The following TESMIN variants were observed in gnomAD, a reference collection of about 807,000 sequenced individuals.
The protein encoded by TESMIN is testis expressed metallothionein like protein.
A neutral mutation model predicts 47.4 loss-of-function variants in TESMIN; 34 were observed. That is an observed-to-expected ratio of 0.72 (90% CI 0.55 to 0.96). TESMIN has a LOEUF of 0.96. Ranked by LOEUF, TESMIN falls within the 40% of genes least tolerant of loss-of-function variation. The pLI is 0.00. For synonymous variants in TESMIN, 278 were observed against 258.9 expected (o/e 1.07, Z -0.71); for missense variants, 610 against 637.2 (o/e 0.96, Z 0.46).
chr11:68,704,882 C>T (rs1945984490), downstream of TESMIN, among the ~76,000 whole-genome samples: 1 of 152,166 alleles, frequency 6.6e-6, no homozygotes, highest in African/African-American at 2.4e-5. Context: ...CAAACTTTTT[C>T]CTGATAGTCA....
At chr11:68,728,823 T>C (rs1028887396) in intron 6 of TESMIN, among the ~76,000 whole-genome samples, 1 of 152,236 alleles carries the variant, frequency 6.6e-6, no homozygotes, top group African/African-American at 2.4e-5. Flanking sequence ...AAAGCCTGAA[T>C]GACAGCACAT....
intron 6 of TESMIN, chr11:68,738,471 G>A: frequency 5.2e-6 from 7 of 1,337,570 alleles, no homozygotes; most frequent in Non-Finnish European, 6.7e-6. Context: ...GGAGGACAGG[G>A]ACAGATGCAG....
intron 6 of TESMIN, among the ~76,000 whole-genome samples, chr11:68,726,379 G>A (rs567842496): frequency 3.9e-5 from 6 of 152,118 alleles, no homozygotes; most frequent in Non-Finnish European, 7.4e-5. Flanking sequence ...CAAGCTCCAA[G>A]TGGAAGCAAA....
intron 9 of TESMIN, among the ~76,000 whole-genome samples, chr11:68,709,546 G>A (rs1057083127): frequency 6.6e-6 from 1 of 152,218 alleles, no homozygotes; most frequent in African/African-American, 2.4e-5. Context: ...GGCAACTGTG[G>A]CTTAGCTAGA....
At chr11:68,737,547 C>G in intron 6 of TESMIN, 1 of 985,650 alleles carries the variant, frequency 1.0e-6, no homozygotes, top group Non-Finnish European at 1.2e-6. Context: ...CTGGAGGCTG[C>G]GGGCTGTATC....
intron 6 of TESMIN, among the ~76,000 whole-genome samples, chr11:68,718,033 C>T (rs1290949387): frequency 1.3e-5 from 2 of 152,144 alleles, no homozygotes; most frequent in East Asian, 3.9e-4. Context: ...AGCTAAGTGA[C>T]CACCCTGTGG....
Position 68,710,917 on chromosome 11 carries a change from G to A in TESMIN, c.1291C>T (p.Pro431Ser). Reference protein sequence around the residue: ...TGGLEGSHYLPPTKFSGLPRF... With the variant: ...TGGLEGSHYLSPTKFSGLPRF... ...GGAAGTCCTGAAAATTTCGTTGGTG[G>A]CAGGTAATGGCTGCCTTCCAAACCT... The change falls in exon 9 of 10, where the codon CCA (proline) becomes TCA (serine). Residue 431 changes from proline (P) to serine (S), a missense_variant. By Grantham distance (74) the Pro-to-Ser change is moderately conservative. Transcript: ENST00000255087. The A allele has an allele frequency of 6.2e-7, 1 of 1,613,832 alleles. No homozygotes were observed. The highest frequency in any genetic ancestry group is 8.5e-7 in the Non-Finnish European group (1 of 1,179,930).
chr11:68,745,088 G>A lies in TESMIN; in HGVS notation c.654C>T (p.Gly218=), dbSNP rs748753442. ...AATTGTCTATACATAGCATTTGTGT[G>A]CCCCCTTTCAATTGGCATATCACCT... ...NPMVICQLKG[G]TQMLCIDNSR... Residue 218 remains glycine (G), a synonymous_variant, in exon 4 of 10, where the codon GGC becomes GGT. Coordinates refer to ENST00000255087, the MANE Select transcript of TESMIN (RefSeq NM_004923.3). 44 of 1,577,976 alleles carry A rather than the reference G, an allele frequency of 2.8e-5. No homozygotes were observed. The highest frequency in any genetic ancestry group is 3.7e-5 in the Non-Finnish European group (43 of 1,170,482).
chr11:68,720,123 G>GA lies in TESMIN; in HGVS notation c.918-4185dup, dbSNP rs368974526. 2.4e-3 allele frequency among the ~76,000 whole-genome samples: 366 copies of GA among 152,304 alleles called. 4 individuals are homozygous for GA. The highest frequency in any genetic ancestry group is 8.4e-3 in the African/African-American group (349 of 41,568). On this transcript the variant is annotated intron_variant, in intron 6 of 9. Transcript: ENST00000255087. ...GCAGACTGTTTTCAAAGCATTGGCA[G>GA]AAAAAACCTGACAACCTAGAATTGC... is the stretch of plus-strand genomic sequence containing the variant.
At chr11:68,742,184 A>G (rs1946465426) in intron 5 of TESMIN, 134 bp downstream of exon 5, 3 of 615,824 alleles carry the variant, frequency 4.9e-6, no homozygotes, top group Non-Finnish European at 5.6e-6. Context: ...GGGACTGAAC[A>G]CTTGGTAAGT....
intron 6 of TESMIN, chr11:68,737,652 C>T (rs1946402717): frequency 2.0e-6 from 2 of 985,640 alleles, no homozygotes; most frequent in East Asian, 1.1e-4. Context: ...CCGGGCACGC[C>T]TGTAATCCCA....
rs745640937 is a variant in TESMIN, at chr11:68,747,308, A to G, written c.530T>C (p.Leu177Ser). The change falls in exon 3 of 10, where the codon TTG becomes TCG. Residue 177 changes from leucine to serine, a missense_variant. By Grantham distance (145) the Leu-to-Ser change is moderately radical. Transcript: ENST00000255087. ...GGATTCCTGAGCAAGAAGATTCTGC[A>G]AAGTTGCTTCTTCCGGATTATTACT... ...TTSNNPEEAT[L>S]QNLLAQESCC... 3.7e-6 allele frequency: 6 copies of G among 1,614,042 alleles called. No homozygotes were observed. The South Asian group carries it at 5.5e-5, about 15-fold the overall frequency.
chr11:68,711,890 A>T (rs1164602915), intron 8 of TESMIN, among the ~76,000 whole-genome samples: 1 of 152,202 alleles, frequency 6.6e-6, no homozygotes, highest in Non-Finnish European at 1.5e-5. Flanking sequence ...TTGCCCCCTC[A>T]TGCCAAATTC....
chr11:68,727,287 A>T lies in TESMIN; in HGVS notation c.918-11348T>A, dbSNP rs191315918. Among the ~76,000 whole-genome samples, 78 of 152,232 alleles carry T rather than the reference A, an allele frequency of 5.1e-4. No individual in the cohort carries two copies. The Middle Eastern group carries it at 0.014, about 27-fold the overall frequency. On this transcript the variant is annotated intron_variant, in intron 6 of 9. Coordinates refer to ENST00000255087, the MANE Select transcript of TESMIN (RefSeq NM_004923.3). The stretch of plus-strand genomic sequence containing the variant: ...GAAAACCCATCCTACTAAAAATACA[A>T]AAATTAGCTGGGCATGGTGATGCAT...
intron 5 of TESMIN, among the ~76,000 whole-genome samples, chr11:68,740,549 A>G (rs1028510068): frequency 2.0e-5 from 3 of 152,168 alleles, no homozygotes; most frequent in African/African-American, 7.2e-5. Flanking sequence ...CAGAGAAAGG[A>G]AGGCCAGCAG....
chr11:68,724,347 T>C (rs1277083782), intron 6 of TESMIN, among the ~76,000 whole-genome samples: 1 of 152,162 alleles, frequency 6.6e-6, no homozygotes, highest in Non-Finnish European at 1.5e-5. Context: ...ATTATAATAA[T>C]AGCAAATCCC....
chr11:68,713,607 T>C (rs1053943222), intron 7 of TESMIN, among the ~76,000 whole-genome samples, 200 bp from the exon 8 acceptor site: 2 of 152,160 alleles, frequency 1.3e-5, no homozygotes, highest in Admixed American at 6.5e-5. Flanking sequence ...GTAGCTAAGG[T>C]TTCTTCATGT....
downstream of TESMIN, among the ~76,000 whole-genome samples, chr11:68,706,288 C>T (rs1945996541): frequency 1.3e-5 from 2 of 152,150 alleles, no homozygotes; most frequent in South Asian, 2.1e-4. Flanking sequence ...TCTTCTCTGC[C>T]GGAAGACCCT....
chr11:68,719,094 G>A lies in TESMIN; in HGVS notation c.918-3155C>T, dbSNP rs114932516. Among the ~76,000 whole-genome samples the A allele has an allele frequency of 5.8e-3, 879 of 152,282 alleles. 9 individuals are homozygous for A. The highest frequency in any genetic ancestry group is 0.02 in the African/African-American group (819 of 41,558). ...ACCCCTTAGCATGATAGTAGAGGGG[G>A]GTCCAAGACGAGAGCTGCACACAGG... On this transcript the variant is annotated intron_variant, in intron 6 of 9. Transcript: ENST00000255087.
Sources: gnomAD v4.1 joint callset for allele counts (sites outside exome capture counted in the v4.1 genomes callset) on GRCh38, gnomAD v4.1.1 for gene constraint, MANE v1.5 for transcripts, NCBI Gene and HGNC (gene_info 2026-07-23, HGNC 2026-07-21) for gene names.